CASZ1: variants seen among roughly 807,000 people sequenced by gnomAD.
The protein encoded by CASZ1 is zinc finger protein castor homolog 1.
Under a neutral mutation model 135.2 loss-of-function variants are expected in CASZ1, and 28 were observed. The observed-to-expected ratio is 0.21, with a 90% confidence interval of 0.15 to 0.28. The LOEUF (loss-of-function observed/expected upper bound fraction) is 0.28. CASZ1 is among the 10% of genes least tolerant of loss of function. CASZ1 has a pLI of 1.00. For missense variants in CASZ1, 2,161 were observed against 2,453.3 expected (o/e 0.88, Z 2.52); for synonymous variants, 1,068 against 1,073.4 (o/e 0.99, Z 0.10).
chr1:10,708,423 G>A (rs985852240), intron 2 of CASZ1, among the ~76,000 whole-genome samples: 1 of 152,196 alleles, frequency 6.6e-6, no homozygotes, highest in African/African-American at 2.4e-5. Context: ...CAATGTCTTG[G>A]GTAAGAAGAA....
chr1:10,650,830 A>ACCCTGGGGCTCCAG, intron 12 of CASZ1, 75 bp from the exon 13 acceptor site: 1 of 1,598,180 alleles, frequency 6.3e-7, no homozygotes, highest in South Asian at 1.1e-5. Context: ...TCCCTGCCCG[A>ACCCTGGGGCTCCAG]CCCTGGGGCT....
chr1:10,689,046 A>T (rs1303330433), intron 4 of CASZ1, among the ~76,000 whole-genome samples: 1 of 152,172 alleles, frequency 6.6e-6, no homozygotes, highest in Admixed American at 6.5e-5. Flanking sequence ...GGGTGTAAAA[A>T]TCAGCTCAGG....
chr1:10,772,820 G>C (rs897949482), intron 1 of CASZ1, among the ~76,000 whole-genome samples: 4 of 152,180 alleles, frequency 2.6e-5, no homozygotes, highest in Admixed American at 2.0e-4. Context: ...ATGAAGAGCT[G>C]TATGGGTGGG....
intron 3 of CASZ1, among the ~76,000 whole-genome samples, chr1:10,696,565 C>T (rs1212753878): frequency 6.6e-6 from 1 of 152,234 alleles, no homozygotes; most frequent in East Asian, 1.9e-4. Flanking sequence ...CTCCCCAAAG[C>T]AAGGCATCGT....
Position 10,755,458 on chromosome 1 carries a change from C to G in CASZ1, c.-77+5243G>C, listed in dbSNP as rs2100564684. Among the ~76,000 whole-genome samples the G allele has an allele frequency of 6.6e-6, 1 of 152,266 alleles. No individual in the cohort carries two copies. The stretch of plus-strand genomic sequence containing the variant: ...CAGAGGCGCTTCTCTCTTCGTCCAC[C>G]ACACCGCGTCAACCCTCCCAAATCC... On this transcript the variant is annotated intron_variant, in intron 2 of 20. Transcript: ENST00000377022. This position sits in a 1 kb window ranked among gnomAD's most constrained non-coding sequence, Gnocchi z 4.3.
At chr1:10,770,612 C>T (rs1640558966) in intron 1 of CASZ1, among the ~76,000 whole-genome samples, 1 of 152,134 alleles carries the variant, frequency 6.6e-6, no homozygotes, top group African/African-American at 2.4e-5. Flanking sequence ...GTCCTGCATG[C>T]TCCCACTGCC....
chr1:10,677,353 G>A (rs1250456006), intron 4 of CASZ1, among the ~76,000 whole-genome samples: 1 of 152,098 alleles, frequency 6.6e-6, no homozygotes, highest in African/African-American at 2.4e-5. Flanking sequence ...GGGTGTCTGG[G>A]TGGCACCGAG....
At chr1:10,678,543 C>T (rs1638307374) in intron 4 of CASZ1, among the ~76,000 whole-genome samples, 1 of 152,186 alleles carries the variant, frequency 6.6e-6, no homozygotes, top group South Asian at 2.1e-4. Context: ...CCTCTGAGCC[C>T]ACCCAGCTCC....
At chr1:10,793,598 A>G (rs1323900173) in intron 1 of CASZ1, among the ~76,000 whole-genome samples, 12 of 152,170 alleles carry the variant, frequency 7.9e-5, no homozygotes, top group Non-Finnish European at 1.0e-4. Flanking sequence ...AGAATAAATA[A>G]CTAGTCTAAT....
intron 1 of CASZ1, among the ~76,000 whole-genome samples, chr1:10,796,208 C>A (rs974162019): frequency 2.0e-5 from 3 of 152,102 alleles, no homozygotes; most frequent in African/African-American, 7.2e-5. Context: ...TCTCCCCTAC[C>A]CCGCCACCCC....
At chr1:10,663,989 C>A (rs553596083) in intron 5 of CASZ1, among the ~76,000 whole-genome samples, 17 of 152,222 alleles carry the variant, frequency 1.1e-4, no homozygotes, top group Non-Finnish European at 1.9e-4. Flanking sequence ...CTCCTCAGGC[C>A]CAGCACAATC....
rs188843374 is a variant in CASZ1 at position 10,746,793 on chromosome 1, A to G, written c.-77+13908T>C. On this transcript the variant is annotated intron_variant, in intron 2 of 20. Transcript: ENST00000377022. ...CTGGAGGTGAGAGAGCAGGGAAAAGAAAAAGCTCAGATCTGGAGTGGCCTT... is the reference window on the plus strand; with the variant it reads ...CTGGAGGTGAGAGAGCAGGGAAAAGGAAAAGCTCAGATCTGGAGTGGCCTT... Among the ~76,000 whole-genome samples the G allele has an allele frequency of 9.0e-4, 137 of 152,376 alleles. 1 individual carries two copies. The highest frequency in any genetic ancestry group is 1.7e-3 in the Non-Finnish European group (113 of 68,040).
At chr1:10,734,301 T>G in intron 2 of CASZ1, among the ~76,000 whole-genome samples, 1 of 148,312 alleles carries the variant, frequency 6.7e-6, no homozygotes, top group African/African-American at 2.5e-5. Flanking sequence ...AAAAATCCCA[T>G]GGCCGTGCCC....
intron 1 of CASZ1, among the ~76,000 whole-genome samples, chr1:10,790,787 C>A (rs1737618): frequency 0.87 from 132,230 of 152,076 alleles, 57,675 homozygotes; most frequent in East Asian, 0.97. Flanking sequence ...CTATGCCTGA[C>A]ATTTTAAAAA....
chr1:10,725,511 G>A lies in CASZ1; in HGVS notation c.-76-19967C>T, dbSNP rs1639580691. On this transcript the variant is annotated intron_variant, in intron 2 of 20. Coordinates refer to ENST00000377022, the MANE Select transcript of CASZ1 (RefSeq NM_001079843.3). This position sits in a 1 kb window ranked among gnomAD's most constrained non-coding sequence, Gnocchi z 4.4. ...TCTTATTGGATTTCTCAAAAAACCT[G>A]ACATTTTAAATTAATTTACAGCCAC... Among the ~76,000 whole-genome samples, 1 of 152,218 alleles carries A rather than the reference G, an allele frequency of 6.6e-6. No homozygotes were observed. The highest frequency in any genetic ancestry group is 1.9e-4 in the East Asian group (1 of 5,204).
chr1:10,796,146 G>C (rs1395261552), intron 1 of CASZ1, among the ~76,000 whole-genome samples: 1 of 151,650 alleles, frequency 6.6e-6, no homozygotes, highest in Non-Finnish European at 1.5e-5. Flanking sequence ...CGCGTGGGGC[G>C]CCCCCACCCT....
At chr1:10,728,713 A>G (rs548322716) in intron 2 of CASZ1, among the ~76,000 whole-genome samples, 1 of 150,976 alleles carries the variant, frequency 6.6e-6, no homozygotes, top group East Asian at 2.0e-4. Context: ...TTAGTTGCCA[A>G]CTCTGTGTGT....
chr1:10,769,137 C>T (rs1001955520), intron 1 of CASZ1, among the ~76,000 whole-genome samples: 2 of 152,066 alleles, frequency 1.3e-5, no homozygotes, highest in African/African-American at 4.8e-5. Flanking sequence ...AAGCCTCCGT[C>T]TCAAAAAAGA....
chr1:10,709,758 G>T lies in CASZ1; in HGVS notation c.-76-4214C>A, dbSNP rs991850958. On this transcript the variant is annotated intron_variant, in intron 2 of 20. Coordinates refer to ENST00000377022, the MANE Select transcript of CASZ1 (RefSeq NM_001079843.3). This position sits in a 1 kb window ranked among gnomAD's most constrained non-coding sequence, Gnocchi z 5.1. ...CCCGGGCAGTGCCGCAGGGGGATGC[G>T]CACCAGGGGGATCCCATGGCATAAC... Among the ~76,000 whole-genome samples, 1 of 152,280 alleles carries T rather than the reference G, an allele frequency of 6.6e-6. No homozygotes were observed. Among genetic ancestry groups the T allele is most frequent in the East Asian group, 1.9e-4 (1 of 5,164 alleles).
Sources: allele counts gnomAD v4.1 joint callset (sites outside exome capture counted in the v4.1 genomes callset), GRCh38; gene constraint gnomAD v4.1.1; non-coding constraint Gnocchi (gnomAD v3.1); transcripts MANE v1.5; gene names NCBI Gene and HGNC (gene_info 2026-07-23, HGNC 2026-07-21).